EIF2AK1: variants seen among roughly 807,000 people sequenced by gnomAD.
The protein encoded by EIF2AK1 is eukaryotic translation initiation factor 2-alpha kinase 1.
A neutral mutation model predicts 77.9 loss-of-function variants in EIF2AK1; 54 were observed. That is an observed-to-expected ratio of 0.69 (90% CI 0.56 to 0.87). The LOEUF (loss-of-function observed/expected upper bound fraction) is 0.87, where lower values mean the gene tolerates loss of function less well. Ranked by LOEUF, EIF2AK1 falls within the 40% of genes least tolerant of loss-of-function variation. The probability of loss-of-function intolerance (pLI) is 0.00; values close to 1 mark genes in which losing one functional copy is unlikely to be tolerated. For synonymous variants in EIF2AK1, 314 were observed against 290.5 expected, an observed-to-expected ratio of 1.08 and a Z score of -0.82; for missense variants, 810 against 768.6, an observed-to-expected ratio of 1.05 and a Z score of -0.64.
Position 6,036,756 on chromosome 7 carries a change from C to T in EIF2AK1, c.1332+668G>A, listed in dbSNP as rs1036253496. 1.3e-4 allele frequency among the ~76,000 whole-genome samples: 20 copies of T among 152,166 alleles called. No homozygotes were observed. Among genetic ancestry groups the T allele is most frequent in the African/African-American group, 4.3e-4 (18 of 41,522 alleles). On this transcript the variant is annotated intron_variant, in intron 11 of 14. Coordinates refer to ENST00000199389, the MANE Select transcript of EIF2AK1 (RefSeq NM_014413.4). This position sits in a 1 kb window ranked among gnomAD's most constrained non-coding sequence, Gnocchi z 4.6. ...CAAAAAAACTTCCGATTTTGTTAAACTTTAAGATGAATAATTATAGAAATA... is the reference window on the plus strand; with the variant it reads ...CAAAAAAACTTCCGATTTTGTTAAATTTTAAGATGAATAATTATAGAAATA...
chr7:6,034,858 G>A (rs968966521), intron 11 of EIF2AK1, among the ~76,000 whole-genome samples: 5 of 152,148 alleles, frequency 3.3e-5, no homozygotes, highest in African/African-American at 1.2e-4. Context: ...ATGACCACAG[G>A]TCTTCAGATT....
In EIF2AK1 at chr7:6,035,169, A is replaced by G. The variant is rs1583482577; in HGVS notation, c.1332+2255T>C. Among the ~76,000 whole-genome samples, 1 of 151,904 alleles carries G rather than the reference A, an allele frequency of 6.6e-6. No individual in the cohort carries two copies. The highest frequency in any genetic ancestry group is 6.6e-5 in the Admixed American group (1 of 15,248). On this transcript the variant is annotated intron_variant, in intron 11 of 14. Coordinates refer to ENST00000199389, the MANE Select transcript of EIF2AK1 (RefSeq NM_014413.4). This position sits in a 1 kb window ranked among gnomAD's most constrained non-coding sequence, Gnocchi z 5.5. ...CAAGAAGCTGGGCCTTCTTCACAAC[A>G]TTGTATAAAAGTGAAAATAATTTTT...
In EIF2AK1 at chr7:6,026,254, C is replaced by A. The variant is rs920135049; in HGVS notation, c.1764+474G>T. Among the ~76,000 whole-genome samples the A allele has an allele frequency of 4.5e-4, 69 of 152,332 alleles. 1 individual carries two copies. The highest frequency in any genetic ancestry group is 1.6e-3 in the African/African-American group (65 of 41,588). On this transcript the variant is annotated intron_variant, in intron 14 of 14. Transcript: ENST00000199389. ...CGCCCACCACTTCCGGGGTCACCAGCCCTGCCAGTGATGAGCCCCCGGCAG... is the reference window on the plus strand; with the variant it reads ...CGCCCACCACTTCCGGGGTCACCAGACCTGCCAGTGATGAGCCCCCGGCAG...
At chr7:6,040,724 A>C (rs776917057) in intron 9 of EIF2AK1, among the ~76,000 whole-genome samples, 168 bp downstream of exon 9, 22 of 152,148 alleles carry the variant, frequency 1.4e-4, no homozygotes, top group Non-Finnish European at 2.9e-5. Context: ...TAACTAAGTG[A>C]AGAAGGGAGA....
chr7:6,031,508 G>C (rs1022769160), intron 11 of EIF2AK1: 3 of 1,550,580 alleles, frequency 1.9e-6, no homozygotes, highest in Middle Eastern at 1.7e-4. Flanking sequence ...CACTACGATC[G>C]AGGTACTCCT....
rs1398224728 is a variant in EIF2AK1 at position 6,024,668 on chromosome 7, C to A, written c.*5G>T. ...AGTTAACTACCTTAAAAGTTAAGTC[C>A]ACTTTCATCCCACGCCCCCATCCTT... On this transcript the variant is annotated 3_prime_UTR_variant, in exon 15 of 15. Coordinates refer to ENST00000199389, the MANE Select transcript of EIF2AK1 (RefSeq NM_014413.4). The A allele has an allele frequency of 6.2e-7, 1 of 1,613,754 alleles. No individual in the cohort carries two copies. Among genetic ancestry groups the A allele is most frequent in the Admixed American group, 1.7e-5 (1 of 59,944 alleles).
intron 9 of EIF2AK1, 48 bp downstream of exon 9, chr7:6,040,844 C>T: frequency 6.8e-7 from 1 of 1,480,188 alleles, no homozygotes; most frequent in African/African-American, 1.4e-5. Context: ...CACACCTGCA[C>T]AGTCACCAAT....
Position 6,041,074 on chromosome 7 carries a change from T to A in EIF2AK1, c.937A>T (p.Ile313Leu). 1 of 1,614,152 alleles carries A rather than the reference T, an allele frequency of 6.2e-7. No homozygotes were observed. Among genetic ancestry groups the A allele is most frequent in the East Asian group, 2.2e-5 (1 of 44,884 alleles). Residue 313 changes from isoleucine to leucine, a missense_variant, in exon 9 of 15, where the codon ATA becomes TTA. Coordinates refer to ENST00000199389, the MANE Select transcript of EIF2AK1 (RefSeq NM_014413.4). ...GACTCAAGTTCACCAGATTCTCTTA[T>A]GACTAAATTGGTGGTGTACTTCACC... ...KSVKYTTNLV[I>L]RESGELESTL...
intron 2 of EIF2AK1, 147 bp from the exon 3 acceptor site, chr7:6,050,192 T>G: frequency 1.4e-6 from 1 of 690,138 alleles, no homozygotes; most frequent in Non-Finnish European, 2.3e-6. Flanking sequence ...CACGTTAAAC[T>G]TGGAGAATGT....
In EIF2AK1 at chr7:6,054,580, T is replaced by G; in HGVS notation, c.243A>C (p.Glu81Asp). Residue 81 changes from glutamate to aspartate, a missense_variant, in exon 2 of 15, where the codon GAA becomes GAC. By Grantham distance (45) the Glu-to-Asp change is conservative. This residue lies in a region of EIF2AK1 where 246 missense variants were observed against 199.0 expected (regional missense o/e 1.24). Transcript: ENST00000199389. ...CCTGTCTTGAACGAAGTGGGTTTGG[T>G]TCATGCACGTGGCTCAAGTGCTCCA... ...SLLEHLSHVH[E>D]PNPLRSRQVF... 1 of 1,614,110 alleles carries G rather than the reference T, an allele frequency of 6.2e-7. No individual in the cohort carries two copies. The highest frequency in any genetic ancestry group is 8.5e-7 in the Non-Finnish European group (1 of 1,180,028).
At chr7:6,026,283 T>C (rs10253000) in intron 14 of EIF2AK1, among the ~76,000 whole-genome samples, 104,015 of 152,014 alleles carry the variant, frequency 0.68, 35,890 homozygotes, top group East Asian at 0.85. Context: ...CCGGCAGACA[T>C]ACAGACAGCC....
Position 6,032,802 on chromosome 7 carries a change from A to G in EIF2AK1, c.1333-3770T>C. ...ACACAAACAGTATTTTTAACTACAC[A>G]GGGCCACTTGTAATGTGTTTTGTTT... On this transcript the variant is annotated intron_variant, in intron 11 of 14. Coordinates refer to ENST00000199389, the MANE Select transcript of EIF2AK1 (RefSeq NM_014413.4). This position sits in a 1 kb window ranked among gnomAD's most constrained non-coding sequence, Gnocchi z 4.3. The G allele has an allele frequency of 6.7e-7, 1 of 1,502,380 alleles. No homozygotes were observed. The highest frequency in any genetic ancestry group is 2.5e-5 in the East Asian group (1 of 40,554). The allele number at this position is 1,502,380 out of a possible 1,614,324, so 93.1% of individuals were successfully genotyped here.
intron 11 of EIF2AK1, 119 bp from the exon 12 acceptor site, chr7:6,029,151 T>G: frequency 1.2e-6 from 1 of 827,112 alleles, no homozygotes; most frequent in South Asian, 1.6e-5. Flanking sequence ...GTTAAATATT[T>G]GAGGAATAGT....
At chr7:6,040,425 G>A (rs894749920) in intron 9 of EIF2AK1, among the ~76,000 whole-genome samples, 2 of 152,054 alleles carry the variant, frequency 1.3e-5, no homozygotes, top group African/African-American at 2.4e-5. Context: ...CATGGAAGGA[G>A]GGTTGTATCA....
Position 6,024,637 on chromosome 7 carries a change from C to T in EIF2AK1, c.*36G>A. On this transcript the variant is annotated 3_prime_UTR_variant, in exon 15 of 15. Transcript: ENST00000199389. ...TACCCTAATAAAGATTAAAAATTTACATTCCAGTTAACTACCTTAAAAGTT... is the reference window on the plus strand; with the variant it reads ...TACCCTAATAAAGATTAAAAATTTATATTCCAGTTAACTACCTTAAAAGTT... The T allele has an allele frequency of 6.2e-7, 1 of 1,613,096 alleles. No homozygotes were observed. The highest frequency in any genetic ancestry group is 8.5e-7 in the Non-Finnish European group (1 of 1,179,642).
chr7:6,035,357 A>G lies in EIF2AK1; in HGVS notation c.1332+2067T>C. 1 of 1,252,420 alleles carries G rather than the reference A, an allele frequency of 8.0e-7. No individual in the cohort carries two copies. Among genetic ancestry groups the G allele is most frequent in the African/African-American group, 1.5e-5 (1 of 66,220 alleles). 77.6% of individuals were successfully genotyped at this position (1,252,420 alleles called of 1,614,324 possible). A position where few individuals can be genotyped will look rare whatever the true frequency, so the allele number is the denominator to read the frequency against. Reference sequence around the variant, plus strand: ...GTAATTGAAGGGTCTTACTTTAAATAAATACTGGCTTCTTAAGCATTAACT... The same window carrying G: ...GTAATTGAAGGGTCTTACTTTAAATGAATACTGGCTTCTTAAGCATTAACT... On this transcript the variant is annotated intron_variant, in intron 11 of 14. Coordinates refer to ENST00000199389, the MANE Select transcript of EIF2AK1 (RefSeq NM_014413.4). This position sits in a 1 kb window ranked among gnomAD's most constrained non-coding sequence, Gnocchi z 5.5.
Position 6,038,650 on chromosome 7 carries a change from G to A in EIF2AK1, c.1141C>T (p.His381Tyr), listed in dbSNP as rs1216860703. 1 of 1,612,696 alleles carries A rather than the reference G, an allele frequency of 6.2e-7. No individual in the cohort carries two copies. Among genetic ancestry groups the A allele is most frequent in the Non-Finnish European group, 8.5e-7 (1 of 1,179,354 alleles). Reference sequence around the variant, plus strand: ...AGCTCACACAGCTGCATCTGGATGTGCAGCATCAGGTGGTACTGTGCCTAG... The same window carrying A: ...AGCTCACACAGCTGCATCTGGATGTACAGCATCAGGTGGTACTGTGCCTAG... The part of the protein sequence containing the change: ...QTEAQYHLML[H>Y]IQMQLCELSL... The change falls in exon 10 of 15, where the codon CAC becomes TAC. Residue 381 changes from histidine to tyrosine, a missense_variant. By Grantham distance (83) the His-to-Tyr change is moderately conservative. Coordinates refer to ENST00000199389, the MANE Select transcript of EIF2AK1 (RefSeq NM_014413.4).
At chr7:6,049,777 C>T in intron 3 of EIF2AK1, 135 bp downstream of exon 3, 2 of 834,996 alleles carry the variant, frequency 2.4e-6, no homozygotes, top group South Asian at 1.8e-5. Context: ...ATGAGCCACA[C>T]CACCATGCCT....
chr7:6,024,746 A>G lies in EIF2AK1; in HGVS notation c.1820T>C (p.Leu607Pro). The stretch of plus-strand genomic sequence containing the variant: ...AGAAAGGAGGTTTAGCTGCTTCTTT[A>G]GTTCTGCAATTTCTTTTTCTTGCTC... Reference protein sequence around the residue: ...IIEQEKEIAELKKQLNLLSQD... With the variant: ...IIEQEKEIAEPKKQLNLLSQD... Residue 607 changes from leucine to proline, a missense_variant, in exon 15 of 15, where the codon CTA becomes CCA. Leu to Pro is a moderately conservative substitution (Grantham distance 98). Coordinates refer to ENST00000199389, the MANE Select transcript of EIF2AK1 (RefSeq NM_014413.4). 1 of 1,595,826 alleles carries G rather than the reference A, an allele frequency of 6.3e-7. No homozygotes were observed. Among genetic ancestry groups the G allele is most frequent in the Non-Finnish European group, 8.5e-7 (1 of 1,174,612 alleles).
Sources: gnomAD v4.1 joint callset for allele counts (sites outside exome capture counted in the v4.1 genomes callset) on GRCh38, gnomAD v4.1.1 for gene constraint, gnomAD v4.1.1 regional missense constraint, Gnocchi (gnomAD v3.1) non-coding constraint, MANE v1.5 for transcripts, NCBI Gene and HGNC (gene_info 2026-07-23, HGNC 2026-07-21) for gene names.